The following GPR153 variants were observed in gnomAD, a reference collection of about 807,000 sequenced individuals.
GPR153 encodes G protein-coupled receptor 153.
GPR153 carries 27 observed loss-of-function variants against 34.1 expected under a neutral mutation model. That is an observed-to-expected ratio of 0.79 (90% CI 0.58 to 1.09). The LOEUF (loss-of-function observed/expected upper bound fraction) is 1.09, where lower values mean the gene tolerates loss of function less well. GPR153 is among the 50% of genes least tolerant of loss of function. The pLI, the probability that GPR153 is intolerant of heterozygous loss-of-function variation, is 0.00. For synonymous variants in GPR153, 408 were observed against 405.4 expected (o/e 1.01, Z -0.08); for missense variants, 848 against 860.2 (o/e 0.99, Z 0.18).
chr1:6,253,752 A>G lies in GPR153; in HGVS notation c.752T>C (p.Phe251Ser). 6.5e-7 allele frequency: 1 copy of G among 1,529,456 alleles called. No individual in the cohort carries two copies. The highest frequency in any genetic ancestry group is 8.8e-7 in the Non-Finnish European group (1 of 1,138,106). 94.7% of individuals were successfully genotyped at this position (1,529,456 alleles called of 1,614,324 possible). Residue 251 changes from phenylalanine (F) to serine (S), a missense_variant, in exon 3 of 6, where the codon TTC becomes TCC. Transcript: ENST00000377893. ...QTTGLVTTIV[F>S]IYDCLMGFPV... ...GAAGCCCATGAGGCAGTCGTAGATG[A>G]AGACTATGGTGGTCACGAGGCCCGT...
At chr1:6,258,912 C>T (rs201633394) in intron 1 of GPR153, among the ~76,000 whole-genome samples, 31 of 152,230 alleles carry the variant, frequency 2.0e-4, no homozygotes, top group African/African-American at 7.2e-4. Flanking sequence ...CAGCCCTTCG[C>T]GGTGCCAGTT....
chr1:6,251,419 A>G lies in GPR153; in HGVS notation c.898T>C (p.Cys300Arg), dbSNP rs1275502612. 1 of 1,613,576 alleles carries G rather than the reference A, an allele frequency of 6.2e-7. No individual in the cohort carries two copies. Among genetic ancestry groups the G allele is most frequent in the South Asian group, 1.1e-5 (1 of 91,076 alleles). ...TTGAGGTCAGCCCGGTAGCGGTCGC[A>G]GGCCCAGAGGAACACAGGCAGCAGC... ...ALLLPVFLWACDRYRADLKAV... is the reference protein window; with the variant it reads ...ALLLPVFLWARDRYRADLKAV... The change falls in exon 4 of 6, where the codon TGC (cysteine) becomes CGC (arginine). Residue 300 changes from cysteine (C) to arginine (R), a missense_variant. Cys to Arg is a radical substitution (Grantham distance 180). Transcript: ENST00000377893. The surrounding 1 kb of genome is among the most constrained non-coding windows in gnomAD (Gnocchi z 4.9).
rs752224330 is a variant in GPR153, at chr1:6,251,417, G to A, written c.900C>T (p.Cys300=). Residue 300 remains cysteine, a synonymous_variant, in exon 4 of 6, where the codon TGC becomes TGT. Transcript: ENST00000377893. This position sits in a 1 kb window ranked among gnomAD's most constrained non-coding sequence, Gnocchi z 4.9. The stretch of plus-strand genomic sequence containing the variant: ...CTTTGAGGTCAGCCCGGTAGCGGTC[G>A]CAGGCCCAGAGGAACACAGGCAGCA... The part of the protein sequence containing the change: ...ALLLPVFLWA[C]DRYRADLKAV... 4.3e-5 allele frequency: 69 copies of A among 1,613,438 alleles called. No individual in the cohort carries two copies. The East Asian group carries it at 1.2e-3, about 27-fold the overall frequency.
chr1:6,252,020 C>T (rs1638459386), intron 3 of GPR153, among the ~76,000 whole-genome samples: 1 of 152,200 alleles, frequency 6.6e-6, no homozygotes, highest in Non-Finnish European at 1.5e-5. Flanking sequence ...CAAGCCTGTT[C>T]AAGATTCTAC....
In GPR153 at chr1:6,248,866, C is replaced by CT. The variant is rs1638360531; in HGVS notation, c.*471_*472insA. On this transcript the variant is annotated 3_prime_UTR_variant, in exon 6 of 6. Coordinates refer to ENST00000377893, the MANE Select transcript of GPR153 (RefSeq NM_207370.4). ...TGCTTAGAGACCCTCTGTACCCTCCCCCCCCCCGAAGGGTGTGGCGGTTAT... is the reference window on the plus strand; with the variant it reads ...TGCTTAGAGACCCTCTGTACCCTCCCTCCCCCCCGAAGGGTGTGGCGGTTAT... 6.5e-6 allele frequency: 1 copy of CT among 153,676 alleles called. No individual in the cohort carries two copies. The highest frequency in any genetic ancestry group is 2.4e-5 in the African/African-American group (1 of 41,478). 9.5% of individuals were successfully genotyped at this position (153,676 alleles called of 1,614,324 possible).
At position 6,249,435 on chromosome 1, in the gene GPR153, G is replaced by T. The variant is rs1478186854; in HGVS notation, c.1733C>A (p.Ala578Glu). ...SWGEPGGLRA[A>E]GGGGSTSSFL... ...GCTGCTGGTGCTGCCGCCGCCGCCC[G>T]CCGCGCGCAGCCCCCCGGGCTCGCC... The change falls in exon 6 of 6, where the codon GCG (alanine) becomes GAG (glutamate). Residue 578 changes from alanine (A) to glutamate (E), a missense_variant. Physicochemically the swap from Ala to Glu is moderately radical, Grantham distance 107. Coordinates refer to ENST00000377893, the MANE Select transcript of GPR153 (RefSeq NM_207370.4). This position sits in a 1 kb window ranked among gnomAD's most constrained non-coding sequence, Gnocchi z 4.3. The T allele has an allele frequency of 1.5e-5, 20 of 1,363,938 alleles. No individual in the cohort carries two copies. Among genetic ancestry groups the T allele is most frequent in the Non-Finnish European group, 1.8e-5 (19 of 1,062,696 alleles). 84.5% of individuals were successfully genotyped at this position (1,363,938 alleles called of 1,614,324 possible). A position where few individuals can be genotyped will look rare whatever the true frequency, so the allele number is the denominator to read the frequency against.
Position 6,250,446 on chromosome 1 carries a change from G to A in GPR153, c.1158C>T (p.Tyr386=), listed in dbSNP as rs752134089. Residue 386 remains tyrosine (Y), a synonymous_variant, in exon 5 of 6, where the codon TAC becomes TAT. Coordinates refer to ENST00000377893, the MANE Select transcript of GPR153 (RefSeq NM_207370.4). ...LRPLQEDKMQ[Y]LQVPPTRRFS... ...CCCCCAGCCCTGCGCTCACCTGCAG[G>A]TATTGCATCTTGTCCTCCTGCAAGG... is the stretch of plus-strand genomic sequence containing the variant. 5 of 1,597,890 alleles carry A rather than the reference G, an allele frequency of 3.1e-6. No homozygotes were observed. The African/African-American group carries it at 4.0e-5, about 13-fold the overall frequency.
At chr1:6,250,259 G>A in intron 5 of GPR153, 181 bp downstream of exon 5, 3 of 985,432 alleles carry the variant, frequency 3.0e-6, no homozygotes, top group Non-Finnish European at 3.6e-6. Flanking sequence ...GGGACCATGG[G>A]GGTGGCGGTT....
chr1:6,250,030 C>T, intron 5 of GPR153, 27 bp from the exon 6 acceptor site: 1 of 1,255,828 alleles, frequency 8.0e-7, no homozygotes, highest in Non-Finnish European at 1.0e-6. Flanking sequence ...GGCTTTTACC[C>T]CGAGCTGCCC....
rs928152309 is a variant in GPR153 at position 6,254,750 on chromosome 1, G to A, written c.156C>T (p.Thr52=). 2.5e-6 allele frequency: 4 copies of A among 1,613,690 alleles called. No individual in the cohort carries two copies. The Admixed American group carries it at 6.7e-5, about 27-fold the overall frequency. The change falls in exon 2 of 6, where the codon ACC becomes ACT. Residue 52 remains threonine (T), a synonymous_variant. Transcript: ENST00000377893. ...TGGGCACGGCCACATTTAGCATGTGGGTGGCCGCGAGTGTACACAGCAGGA... is the reference window on the plus strand; with the variant it reads ...TGGGCACGGCCACATTTAGCATGTGAGTGGCCGCGAGTGTACACAGCAGGA... ...LEFLLCTLAA[T]HMLNVAVPIA...
At position 6,250,536 on chromosome 1, in the gene GPR153, A is replaced by G; in HGVS notation, c.1068T>C (p.Asp356=). Residue 356 remains aspartate (D), a synonymous_variant, in exon 5 of 6, where the codon GAT becomes GAC. Transcript: ENST00000377893. ...CGGAGATCTCATACTTGGCCATCCT[A>G]TCTAGGGCCACAAAATCACCTCCAT... ...YGYGGDFVAL[D]RMAKYEISAL... 6.2e-7 allele frequency: 1 copy of G among 1,604,918 alleles called. No individual in the cohort carries two copies. Among genetic ancestry groups the G allele is most frequent in the South Asian group, 1.1e-5 (1 of 89,296 alleles).
At position 6,250,433 on chromosome 1, in the gene GPR153, C is replaced by A. The variant is rs369064092; in HGVS notation, c.1164+7G>T. On this transcript the variant is annotated splice_region_variant and intron_variant, in intron 5 of 5. Coordinates refer to ENST00000377893, the MANE Select transcript of GPR153 (RefSeq NM_207370.4). ...AGGTGCGGCCTCTCCCCCAGCCCTGCGCTCACCTGCAGGTATTGCATCTTG... is the reference window on the plus strand; with the variant it reads ...AGGTGCGGCCTCTCCCCCAGCCCTGAGCTCACCTGCAGGTATTGCATCTTG... The A allele has an allele frequency of 6.3e-7, 1 of 1,575,700 alleles. No homozygotes were observed.
rs1162105667 is a variant in GPR153, at chr1:6,250,463, C to T, written c.1141G>A (p.Glu381Lys). Residue 381 changes from glutamate (E) to lysine (K), a missense_variant, in exon 5 of 6, where the codon GAG (glutamate) becomes AAG (lysine). Coordinates refer to ENST00000377893, the MANE Select transcript of GPR153 (RefSeq NM_207370.4). The part of the protein sequence containing the change: ...PQLYPLRPLQ[E>K]DKMQYLQVPP... ...ACCTGCAGGTATTGCATCTTGTCCT[C>T]CTGCAAGGGCCGCAGTGGGTAGAGC... 1 of 1,606,320 alleles carries T rather than the reference C, an allele frequency of 6.2e-7. No homozygotes were observed. Among genetic ancestry groups the T allele is most frequent in the South Asian group, 1.1e-5 (1 of 89,230 alleles).
At chr1:6,250,729 A>C in intron 4 of GPR153, 105 bp from the exon 5 acceptor site, 1 of 642,748 alleles carries the variant, frequency 1.6e-6, no homozygotes, top group Non-Finnish European at 2.7e-6. Context: ...CCCAACAGAC[A>C]TATACAAGGT....
chr1:6,256,991 T>C (rs1557616057), intron 1 of GPR153, among the ~76,000 whole-genome samples: 1 of 152,170 alleles, frequency 6.6e-6, no homozygotes, highest in African/African-American at 2.4e-5. Context: ...AGGGGCTGTA[T>C]ACGGGGTGCC....
At chr1:6,250,276 C>T in intron 5 of GPR153, 164 bp downstream of exon 5, 1 of 985,402 alleles carries the variant, frequency 1.0e-6, no homozygotes, top group African/African-American at 1.7e-5. Flanking sequence ...GGTTGGGGCC[C>T]ACCCACACAA....
rs923265463 is a variant in GPR153 at position 6,249,922 on chromosome 1, C to T, written c.1246G>A (p.Gly416Ser). The stretch of plus-strand genomic sequence containing the variant: ...AGGGCGGCCAGGTCCTCGCCGGAGC[C>T]CCAGCGCGGCAGGAAGGCGGGCAGC... The part of the protein sequence containing the change: ...VPLPAFLPRW[G>S]SGEDLAALAH... Residue 416 changes from glycine (G) to serine (S), a missense_variant, in exon 6 of 6, where the codon GGC becomes AGC. Transcript: ENST00000377893. The surrounding 1 kb of genome is among the most constrained non-coding windows in gnomAD (Gnocchi z 4.3). 5 of 1,285,418 alleles carry T rather than the reference C, an allele frequency of 3.9e-6. No individual in the cohort carries two copies. Among genetic ancestry groups the T allele is most frequent in the Non-Finnish European group, 4.9e-6 (5 of 1,011,996 alleles). The allele number at this position is 1,285,418 out of a possible 1,614,324, so 79.6% of individuals were successfully genotyped here.
chr1:6,257,045 G>T (rs1638582700), intron 1 of GPR153, among the ~76,000 whole-genome samples: 1 of 152,182 alleles, frequency 6.6e-6, no homozygotes, highest in Admixed American at 6.5e-5. Flanking sequence ...CCTGGTCAAA[G>T]CTCAATATCT....
intron 4 of GPR153, 102 bp from the exon 5 acceptor site, chr1:6,250,726 G>C (rs771479262): frequency 3.0e-6 from 2 of 656,046 alleles, no homozygotes; most frequent in Non-Finnish European, 5.3e-6. Context: ...TCCCCCAACA[G>C]ACATATACAA....
Sources: allele counts gnomAD v4.1 joint callset (sites outside exome capture counted in the v4.1 genomes callset), GRCh38; gene constraint gnomAD v4.1.1; non-coding constraint Gnocchi (gnomAD v3.1); transcripts MANE v1.5; gene names NCBI Gene and HGNC (gene_info 2026-07-23, HGNC 2026-07-21).